PTDSS2: variants seen among roughly 807,000 people sequenced by gnomAD.
The protein encoded by PTDSS2 is PSS-2.
Under a neutral mutation model 64.7 loss-of-function variants are expected in PTDSS2, and 41 were observed. That is an observed-to-expected ratio of 0.63 (90% CI 0.49 to 0.82). The LOEUF (loss-of-function observed/expected upper bound fraction) is 0.82. PTDSS2 is among the 40% of genes least tolerant of loss of function. PTDSS2 has a pLI of 0.00. For missense variants in PTDSS2, 485 were observed against 650.0 expected (o/e 0.75, Z 2.76); for synonymous variants, 297 against 277.8 (o/e 1.07, Z -0.69).
chr11:453,907 G>C (rs1029340488), intron 1 of PTDSS2, among the ~76,000 whole-genome samples: 1 of 152,248 alleles, frequency 6.6e-6, no homozygotes, highest in Non-Finnish European at 1.5e-5. Flanking sequence ...TAGTGAAGTG[G>C]CTGAATTGCC....
chr11:475,392 C>T (rs116946077), intron 3 of PTDSS2, among the ~76,000 whole-genome samples: 3,196 of 144,924 alleles, frequency 0.022, 25 homozygotes, highest in Non-Finnish European at 0.031. Flanking sequence ...CATATTCACG[C>T]GTTTGTGATA....
intron 2 of PTDSS2, 46 bp from the exon 3 acceptor site, chr11:473,849 G>A: frequency 1.4e-6 from 2 of 1,459,694 alleles, no homozygotes; most frequent in East Asian, 4.5e-5. Context: ...CTCCCTCCTG[G>A]GAGAAGCCTG....
chr11:455,208 T>C (rs1222137639), intron 1 of PTDSS2, among the ~76,000 whole-genome samples: 1 of 152,212 alleles, frequency 6.6e-6, no homozygotes, highest in Non-Finnish European at 1.5e-5. Flanking sequence ...TGTGAGCAGG[T>C]TGATGGGCTG....
rs73399674 is a variant in PTDSS2 at position 485,424 on chromosome 11, C to T, written c.436-1515C>T. ...GGCGACCGTAAACAGTGCACGGACG[C>T]GTGTGTGCTCACCGTGTGCGCAGGC... On this transcript the variant is annotated intron_variant, in intron 4 of 11. Transcript: ENST00000308020. Among the ~76,000 whole-genome samples the T allele has an allele frequency of 1.4e-3, 199 of 142,278 alleles. 1 individual carries two copies. The highest frequency in any genetic ancestry group is 5.1e-3 in the African/African-American group (193 of 37,714). The allele number at this position is 142,278 out of a possible 152,430, so 93.3% of individuals were successfully genotyped here. A position where few individuals can be genotyped will look rare whatever the true frequency, so the allele number is the denominator to read the frequency against.
At position 473,373 on chromosome 11, in the gene PTDSS2, G is replaced by C. The variant is rs138511004; in HGVS notation, c.285-522G>C. ...ACTTCCTGGGGGTCCTGCCGCGTTG[G>C]AGCAGGGAGGCAGTAGCTCCTGACG... On this transcript the variant is annotated intron_variant, in intron 2 of 11. Transcript: ENST00000308020. Among the ~76,000 whole-genome samples the C allele has an allele frequency of 8.0e-3, 1,217 of 152,294 alleles. 20 individuals carry two copies. The highest frequency in any genetic ancestry group is 0.028 in the African/African-American group (1,170 of 41,564).
At chr11:490,206 C>G in intron 11 of PTDSS2, 138 bp downstream of exon 11, 8 of 1,169,476 alleles carry the variant, frequency 6.8e-6, no homozygotes, top group South Asian at 1.5e-5. Context: ...CGGGAGGCGC[C>G]TTTCCTGACC....
At chr11:469,318 G>A (rs1436825303) in intron 2 of PTDSS2, among the ~76,000 whole-genome samples, 3 of 52,904 alleles carry the variant, frequency 5.7e-5, no homozygotes, top group African/African-American at 1.1e-4. Flanking sequence ...GGTAATCGGA[G>A]GGAGGAGGAG....
intron 2 of PTDSS2, among the ~76,000 whole-genome samples, chr11:469,789 T>A (rs1178465490): frequency 1.1e-4 from 17 of 152,010 alleles, no homozygotes; most frequent in Admixed American, 1.1e-3. Context: ...GAGAAATGGC[T>A]GATTCCAGCA....
chr11:487,212 C>A, intron 5 of PTDSS2, 139 bp downstream of exon 5: 1 of 1,015,234 alleles, frequency 9.8e-7, no homozygotes, highest in Non-Finnish European at 1.5e-6. Context: ...GAGGCCCTGT[C>A]CGTCTGGATG....
intron 1 of PTDSS2, among the ~76,000 whole-genome samples, chr11:454,561 C>G (rs908531299): frequency 2.0e-5 from 3 of 152,122 alleles, no homozygotes; most frequent in Non-Finnish European, 2.9e-5. Context: ...AATCCCAGCA[C>G]TTTGGGAGGC....
intron 2 of PTDSS2, among the ~76,000 whole-genome samples, chr11:471,682 AC>A (rs1847446612): frequency 1.4e-5 from 2 of 146,116 alleles, no homozygotes; most frequent in East Asian, 4.2e-4. Flanking sequence ...GCCTGGGGTG[AC>A]GCGCGCCTGT....
intron 4 of PTDSS2, among the ~76,000 whole-genome samples, chr11:486,536 A>G (rs1461966853): frequency 6.6e-6 from 1 of 152,102 alleles, no homozygotes; most frequent in African/African-American, 2.4e-5. Flanking sequence ...GGTGACTGAG[A>G]TGCAGTTTAC....
rs1846818251 is a variant in PTDSS2, at chr11:460,330, CCCCGTGTGGTGGGTGTGGCA to C, written c.284+46_284+65del. 5.9e-6 allele frequency: 9 copies of C among 1,537,264 alleles called. No individual in the cohort carries two copies. Among genetic ancestry groups the C allele is most frequent in the African/African-American group, 1.4e-5 (1 of 73,202 alleles). On this transcript the variant is annotated intron_variant, in intron 2 of 11. Transcript: ENST00000308020. This position sits in a 1 kb window ranked among gnomAD's most constrained non-coding sequence, Gnocchi z 5.8. ...TCCTGCCTTCTGAAACTGCCCTGTG[CCCCGTGTGGTGGGTGTGGCA>C]CCCTTACTGCTCGGGCTGCCGGGGG...
chr11:474,172 G>A (rs1019132252), intron 3 of PTDSS2, among the ~76,000 whole-genome samples, 195 bp downstream of exon 3: 7 of 152,200 alleles, frequency 4.6e-5, no homozygotes, highest in Admixed American at 6.5e-5. Flanking sequence ...TCCAACCACC[G>A]AGGGTCTCTC....
chr11:481,135 T>G (rs1428013368), intron 4 of PTDSS2, among the ~76,000 whole-genome samples: 1 of 151,726 alleles, frequency 6.6e-6, no homozygotes, highest in Non-Finnish European at 1.5e-5. Context: ...GTGCGGGGAT[T>G]CCAGGTGTGA....
chr11:489,766 C>G (rs1848580922), intron 10 of PTDSS2, 33 bp downstream of exon 10: 4 of 1,596,340 alleles, frequency 2.5e-6, no homozygotes, highest in East Asian at 4.5e-5. Context: ...TGGAGACACC[C>G]CCGGGGGGCA....
In PTDSS2 at chr11:460,344, T is replaced by C; in HGVS notation, c.284+56T>C. The C allele has an allele frequency of 2.1e-6, 3 of 1,455,848 alleles. No individual in the cohort carries two copies. Among genetic ancestry groups the C allele is most frequent in the Admixed American group, 1.7e-5 (1 of 58,302 alleles). 90.2% of individuals were successfully genotyped at this position (1,455,848 alleles called of 1,614,324 possible). A position where few individuals can be genotyped will look rare whatever the true frequency, so the allele number is the denominator to read the frequency against. On this transcript the variant is annotated intron_variant, in intron 2 of 11. Transcript: ENST00000308020. The surrounding 1 kb of genome is among the most constrained non-coding windows in gnomAD (Gnocchi z 5.8). ...ACTGCCCTGTGCCCCGTGTGGTGGG[T>C]GTGGCACCCTTACTGCTCGGGCTGC...
intron 2 of PTDSS2, among the ~76,000 whole-genome samples, chr11:472,914 A>G (rs1207035895): frequency 1.3e-5 from 2 of 152,192 alleles, no homozygotes; most frequent in Non-Finnish European, 2.9e-5. Flanking sequence ...TCGGCACGGC[A>G]CTGCCGAGCC....
In PTDSS2 at chr11:489,974, A is replaced by G; in HGVS notation, c.1207A>G (p.Thr403Ala). 6.2e-7 allele frequency: 1 copy of G among 1,612,218 alleles called. No homozygotes were observed. The highest frequency in any genetic ancestry group is 2.2e-5 in the East Asian group (1 of 44,856). ...CATCGTGGTGAAGTACGACCCCCAC[A>G]CGCTCACCCTGTCCCTGCCCTTCTA... Reference protein sequence around the residue: ...LLIVVKYDPHTLTLSLPFYIS... With the variant: ...LLIVVKYDPHALTLSLPFYIS... Residue 403 changes from threonine (T) to alanine (A), a missense_variant, in exon 11 of 12, where the codon ACG becomes GCG. This residue lies in a region of PTDSS2 where 219 missense variants were observed against 257.3 expected (regional missense o/e 0.85). Transcript: ENST00000308020.
Sources: allele counts gnomAD v4.1 joint callset (sites outside exome capture counted in the v4.1 genomes callset), GRCh38; gene constraint gnomAD v4.1.1; regional missense constraint gnomAD v4.1.1; non-coding constraint Gnocchi (gnomAD v3.1); transcripts MANE v1.5; gene names NCBI Gene and HGNC (gene_info 2026-07-23, HGNC 2026-07-21).